The following CSNK1G3 variants were observed in gnomAD, a reference collection of about 807,000 sequenced individuals.
The protein encoded by CSNK1G3 is casein kinase 1 gamma 3.
In CSNK1G3, 23 loss-of-function variants were observed where a neutral mutation model predicts 64.3. The ratio of observed to expected loss-of-function variants is 0.36; its 90% CI spans 0.26 to 0.51. CSNK1G3 has a LOEUF of 0.51. Ranked by LOEUF, CSNK1G3 falls within the 20% of genes least tolerant of loss-of-function variation. The probability of loss-of-function intolerance (pLI) is 0.96; values close to 1 mark genes in which losing one functional copy is unlikely to be tolerated. For synonymous variants in CSNK1G3, 158 were observed against 162.2 expected (o/e 0.97, Z 0.20); for missense variants, 357 against 510.5 (o/e 0.70, Z 2.90).
At chr5:123,538,783 C>T (rs1278920084) in intron 1 of CSNK1G3, among the ~76,000 whole-genome samples, 1 of 152,114 alleles carries the variant, frequency 6.6e-6, no homozygotes, top group Admixed American at 6.6e-5. Flanking sequence ...TATTTATACA[C>T]ACTCATATAA....
intron 3 of CSNK1G3, among the ~76,000 whole-genome samples, chr5:123,555,016 T>C (rs140221406): frequency 1.2e-4 from 18 of 152,362 alleles, no homozygotes; most frequent in Non-Finnish European, 2.5e-4. Flanking sequence ...TCTTTCAGCC[T>C]TCTTATATAC....
At chr5:123,581,359 TG>T (rs1421442694) in intron 6 of CSNK1G3, among the ~76,000 whole-genome samples, 1,578 of 96,752 alleles carry the variant, frequency 0.016, 34 homozygotes, top group African/African-American at 0.068. Flanking sequence ...TTTTTGGGTT[TG>T]TTTTTTTTTT....
At chr5:123,614,641 T>C (rs1477917064) in exon 13 of CSNK1G3, 1 of 395,348 alleles carries the variant, frequency 2.5e-6, no homozygotes, top group Non-Finnish European at 4.5e-6. Flanking sequence ...CATCAGTGAA[T>C]GGAATGGACC....
intron 1 of CSNK1G3, among the ~76,000 whole-genome samples, chr5:123,528,946 A>C (rs1361506107): frequency 6.6e-6 from 1 of 152,204 alleles, no homozygotes; most frequent in East Asian, 1.9e-4. Flanking sequence ...TTCCCAGTTG[A>C]CGTTGAATAA....
At chr5:123,604,517 A>G (rs571940406) in intron 10 of CSNK1G3, among the ~76,000 whole-genome samples, 4 of 152,052 alleles carry the variant, frequency 2.6e-5, no homozygotes, top group Non-Finnish European at 5.9e-5. Flanking sequence ...CGCATATTAG[A>G]TGACTTTAAT....
chr5:123,609,455 T>C (rs963937191), intron 12 of CSNK1G3, among the ~76,000 whole-genome samples: 3 of 152,192 alleles, frequency 2.0e-5, no homozygotes, highest in South Asian at 2.1e-4. Context: ...GATTATAGTA[T>C]TGGACCATTT....
At chr5:123,607,300 A>G (rs1434361947) in intron 12 of CSNK1G3, among the ~76,000 whole-genome samples, 5 of 152,170 alleles carry the variant, frequency 3.3e-5, no homozygotes, top group African/African-American at 4.8e-5. Context: ...TATCCTCTGT[A>G]TGTACTTCCC....
rs113753266 is a variant in CSNK1G3 at position 123,558,593 on chromosome 5, T to G, written c.289+1029T>G. On this transcript the variant is annotated intron_variant, in intron 4 of 12. Coordinates refer to ENST00000345990, the Ensembl canonical transcript of CSNK1G3. ...TATCAGTTTTACATTCTGTTTTTTC[T>G]AAGAGCACACTTTGCAAATGAGTAG... Among the ~76,000 whole-genome samples the G allele has an allele frequency of 6.1e-3, 934 of 152,308 alleles. 9 individuals are homozygous for G. Among genetic ancestry groups the G allele is most frequent in the African/African-American group, 0.021 (874 of 41,578 alleles).
At chr5:123,527,061 T>C (rs1779224113) in intron 1 of CSNK1G3, among the ~76,000 whole-genome samples, 1 of 152,164 alleles carries the variant, frequency 6.6e-6, no homozygotes, top group Non-Finnish European at 1.5e-5. Context: ...AAAATTCAAG[T>C]TGGCTGTATT....
At position 123,586,396 on chromosome 5, in the gene CSNK1G3, T is replaced by C. The variant is rs373099162; in HGVS notation, c.674-1672T>C. On this transcript the variant is annotated intron_variant, in intron 6 of 12. Transcript: ENST00000345990. The stretch of plus-strand genomic sequence containing the variant: ...TACCCTCAGGACTACGAGAATCTAA[T>C]GAAGTAAAATTTTCGTTATAAAAGT... 9.2e-5 allele frequency among the ~76,000 whole-genome samples: 14 copies of C among 152,212 alleles called. No homozygotes were observed. The East Asian group carries it at 1.2e-3, about 13-fold the overall frequency.
At chr5:123,594,366 G>A (rs1055068605) in intron 10 of CSNK1G3, among the ~76,000 whole-genome samples, 4 of 152,032 alleles carry the variant, frequency 2.6e-5, no homozygotes, top group African/African-American at 9.7e-5. Context: ...CATAGACATG[G>A]GTTCCTTAAT....
chr5:123,576,803 G>A (rs1330883719), intron 6 of CSNK1G3, among the ~76,000 whole-genome samples: 2 of 152,024 alleles, frequency 1.3e-5, no homozygotes, highest in African/African-American at 4.8e-5. Flanking sequence ...AAAGTTTCTT[G>A]TAGTTAGATT....
chr5:123,569,453 T>G (rs887271522), intron 4 of CSNK1G3, among the ~76,000 whole-genome samples: 9 of 152,204 alleles, frequency 5.9e-5, no homozygotes, highest in African/African-American at 2.2e-4. Context: ...CCATTGTAGT[T>G]TGAATGAACC....
At chr5:123,578,273 T>G (rs1789557936) in intron 6 of CSNK1G3, among the ~76,000 whole-genome samples, 1 of 151,872 alleles carries the variant, frequency 6.6e-6, no homozygotes, top group African/African-American at 2.4e-5. Flanking sequence ...TTTTTTTATT[T>G]CCATCAGTAA....
At position 123,594,973 on chromosome 5, in the gene CSNK1G3, A is replaced by T. The variant is rs1029447454; in HGVS notation, c.1086+3559A>T. Reference sequence around the variant, plus strand: ...TACGTTTGTTTTATATATTATGAGGATAAAATGTTTAACATATTGGGTTTT... The same window carrying T: ...TACGTTTGTTTTATATATTATGAGGTTAAAATGTTTAACATATTGGGTTTT... On this transcript the variant is annotated intron_variant, in intron 10 of 12. Coordinates refer to ENST00000345990, the Ensembl canonical transcript of CSNK1G3. The T allele has an allele frequency of 2.9e-6, 4 of 1,357,014 alleles. No homozygotes were observed. In the African/African-American group the frequency reaches 5.8e-5, roughly 20 times the overall value. The allele number at this position is 1,357,014 out of a possible 1,614,324, so 84.1% of individuals were successfully genotyped here. A position where few individuals can be genotyped will look rare whatever the true frequency, so the allele number is the denominator to read the frequency against.
intron 8 of CSNK1G3, 38 bp from the exon 9 acceptor site, chr5:123,590,368 TAAAG>T (rs1792118727): frequency 2.9e-6 from 3 of 1,050,064 alleles, no homozygotes; most frequent in Non-Finnish European, 1.3e-6. Flanking sequence ...TACTGAGTAT[TAAAG>T]AAAAGTATAG....
intron 12 of CSNK1G3, among the ~76,000 whole-genome samples, chr5:123,612,130 A>G (rs553033910): frequency 3.3e-5 from 5 of 152,320 alleles, no homozygotes; most frequent in Non-Finnish European, 7.4e-5. Flanking sequence ...TAAAGTTGAT[A>G]AACATTCATC....
intron 1 of CSNK1G3, among the ~76,000 whole-genome samples, chr5:123,535,662 C>G (rs1418734105): frequency 2.6e-5 from 4 of 152,116 alleles, no homozygotes; most frequent in Non-Finnish European, 4.4e-5. Context: ...TCCCTAACCA[C>G]TGTTGTCATC....
intron 2 of CSNK1G3, among the ~76,000 whole-genome samples, chr5:123,552,034 C>G (rs904428487): frequency 1.3e-5 from 2 of 152,006 alleles, no homozygotes; most frequent in Non-Finnish European, 2.9e-5. Flanking sequence ...ATTTGCAGTG[C>G]TAAAGATTAC....
Sources: allele counts gnomAD v4.1 joint callset (sites outside exome capture counted in the v4.1 genomes callset), GRCh38; gene constraint gnomAD v4.1.1; transcripts MANE v1.5; gene names NCBI Gene and HGNC (gene_info 2026-07-23, HGNC 2026-07-21).